Variants in TEAD1 observed in about 807,000 individuals in gnomAD.
The protein encoded by TEAD1 is TEA domain transcription factor 1, also known as transcriptional enhancer factor TEF-1.
TEAD1 carries 9 observed loss-of-function variants against 54.9 expected under a neutral mutation model. The observed-to-expected ratio is 0.16, with a 90% confidence interval of 0.10 to 0.29. The LOEUF is 0.29. Ranked by LOEUF, TEAD1 falls within the 10% of genes least tolerant of loss-of-function variation. The pLI is 1.00. For synonymous variants in TEAD1, 200 were observed against 187.8 expected (o/e 1.07, Z -0.53); for missense variants, 387 against 535.9 (o/e 0.72, Z 2.74).
chr11:12,810,362 A>G (rs1397688209), intron 3 of TEAD1, among the ~76,000 whole-genome samples: 3 of 152,066 alleles, frequency 2.0e-5, no homozygotes, highest in Admixed American at 1.3e-4. Context: ...AAGTGTCCGG[A>G]TGTATGGACG....
intron 5 of TEAD1, among the ~76,000 whole-genome samples, chr11:12,866,780 GT>G (rs1462122921): frequency 2.0e-5 from 3 of 152,248 alleles, no homozygotes; most frequent in East Asian, 3.9e-4. Context: ...GGAGTCCTTT[GT>G]TTTTCCATCT....
chr11:12,887,112 G>A, intron 9 of TEAD1, among the ~76,000 whole-genome samples: 1 of 73,574 alleles, frequency 1.4e-5, no homozygotes, highest in Non-Finnish European at 2.7e-5. Context: ...TTTTTTTTTT[G>A]GAGACACAGA....
At chr11:12,759,363 G>GA (rs1294342969) in intron 2 of TEAD1, among the ~76,000 whole-genome samples, 5 of 147,774 alleles carry the variant, frequency 3.4e-5, no homozygotes, top group African/African-American at 1.3e-4. Context: ...TACTCTTTTT[G>GA]AAGCCTCAGT....
chr11:12,831,528 T>TTTG (rs1052517233), intron 3 of TEAD1, among the ~76,000 whole-genome samples: 9 of 152,078 alleles, frequency 5.9e-5, no homozygotes, highest in East Asian at 5.8e-4. Context: ...TAGAGGTGTT[T>TTTG]TTGTTGTTGT....
intron 3 of TEAD1, among the ~76,000 whole-genome samples, chr11:12,767,269 G>T (rs920399418): frequency 6.6e-6 from 1 of 152,070 alleles, no homozygotes; most frequent in African/African-American, 2.4e-5. Context: ...ACATGAATTG[G>T]GACACAAACC....
At chr11:12,718,045 G>A (rs901381806) in intron 2 of TEAD1, among the ~76,000 whole-genome samples, 2 of 152,180 alleles carry the variant, frequency 1.3e-5, no homozygotes, top group Non-Finnish European at 2.9e-5. Flanking sequence ...TGAAGGTAGA[G>A]GAGGAAGAGT....
At chr11:12,768,191 G>A (rs1340007040) in intron 3 of TEAD1, among the ~76,000 whole-genome samples, 1 of 152,098 alleles carries the variant, frequency 6.6e-6, no homozygotes, top group Non-Finnish European at 1.5e-5. Context: ...TATGAATCCT[G>A]GCCCTGCACT....
intron 12 of TEAD1, among the ~76,000 whole-genome samples, chr11:12,933,161 A>C (rs941614011): frequency 2.6e-5 from 4 of 152,224 alleles, no homozygotes; most frequent in African/African-American, 9.6e-5. Flanking sequence ...TCATCACTGT[A>C]TATCATTAAT....
chr11:12,885,257 A>G (rs11822919), intron 9 of TEAD1, among the ~76,000 whole-genome samples: 1,358 of 133,062 alleles, frequency 0.01, 23 homozygotes, highest in African/African-American at 0.036. Flanking sequence ...TTTTTTTGAG[A>G]CAGCGTCTCG....
At chr11:12,931,874 A>T (rs1590001395) in intron 12 of TEAD1, among the ~76,000 whole-genome samples, 1 of 152,142 alleles carries the variant, frequency 6.6e-6, no homozygotes, top group East Asian at 1.9e-4. Flanking sequence ...CCCACCCTGG[A>T]TGAATAAAAT....
chr11:12,714,785 G>A (rs1431820291), intron 2 of TEAD1, among the ~76,000 whole-genome samples: 1 of 152,118 alleles, frequency 6.6e-6, no homozygotes, highest in Non-Finnish European at 1.5e-5. Flanking sequence ...TGCAGTAATG[G>A]TCTTCTTGCT....
chr11:12,801,284 C>G (rs1403293430), intron 3 of TEAD1, among the ~76,000 whole-genome samples: 2 of 152,156 alleles, frequency 1.3e-5, no homozygotes, highest in Non-Finnish European at 2.9e-5. Flanking sequence ...TCTTGATGGG[C>G]TATTGTGGAC....
chr11:12,816,241 C>CT (rs1207769817), intron 3 of TEAD1, among the ~76,000 whole-genome samples: 1 of 152,222 alleles, frequency 6.6e-6, no homozygotes, highest in African/African-American at 2.4e-5. Flanking sequence ...GCCCGCCTTG[C>CT]TGCCACCCTC....
chr11:12,827,190 T>G (rs1946675255), intron 3 of TEAD1, among the ~76,000 whole-genome samples: 1 of 152,232 alleles, frequency 6.6e-6, no homozygotes. Context: ...GGACTATGCC[T>G]GAGTTTTTGT....
chr11:12,934,808 A>G (rs1004643116), intron 12 of TEAD1, among the ~76,000 whole-genome samples: 3 of 152,120 alleles, frequency 2.0e-5, no homozygotes, highest in Non-Finnish European at 4.4e-5. Flanking sequence ...TACAATGCAA[A>G]TAAAACCCAG....
At chr11:12,734,553 G>T (rs1385026445) in intron 2 of TEAD1, among the ~76,000 whole-genome samples, 3 of 152,176 alleles carry the variant, frequency 2.0e-5, no homozygotes, top group African/African-American at 7.2e-5. Flanking sequence ...TTCCAGTTCT[G>T]CAAGCTTCAT....
chr11:12,694,902 G>A (rs1293321038), intron 2 of TEAD1, among the ~76,000 whole-genome samples: 1 of 152,124 alleles, frequency 6.6e-6, no homozygotes, highest in Non-Finnish European at 1.5e-5. Context: ...AGACACTGAG[G>A]AAGATGGAAA....
intron 3 of TEAD1, among the ~76,000 whole-genome samples, chr11:12,824,405 C>T (rs1007021158): frequency 6.6e-6 from 1 of 152,178 alleles, no homozygotes; most frequent in Non-Finnish European, 1.5e-5. Context: ...CTGGCAGTTT[C>T]CTCCAGCAGT....
At chr11:12,860,798 T>C (rs1039703341) in intron 3 of TEAD1, among the ~76,000 whole-genome samples, 15 of 152,224 alleles carry the variant, frequency 9.9e-5, no homozygotes, top group Admixed American at 2.6e-4. Context: ...ACAGTTACAG[T>C]TTGGGTACAT....
Sources: allele counts gnomAD v4.1 joint callset (sites outside exome capture counted in the v4.1 genomes callset), GRCh38; gene constraint gnomAD v4.1.1; transcripts MANE v1.5; gene names NCBI Gene and HGNC (gene_info 2026-07-23, HGNC 2026-07-21).